The following ACACA variants were observed in gnomAD, a reference collection of about 807,000 sequenced individuals.
ACACA encodes the protein acetyl-CoA carboxylase alpha, also known as acetyl-CoA carboxylase 1.
Under a neutral mutation model 296.1 loss-of-function variants are expected in ACACA, and 103 were observed. The observed-to-expected ratio is 0.35, with a 90% CI of 0.30 to 0.41. The LOEUF is 0.41. Ranked by LOEUF, ACACA falls within the 10% of genes least tolerant of loss-of-function variation. The pLI is 1.00. For synonymous variants in ACACA, 953 were observed against 1,038.6 expected (o/e 0.92, Z 1.58); for missense variants, 1,554 against 2,989.7 (o/e 0.52, Z 11.20).
chr17:37,175,896 C>T (rs931602970), intron 41 of ACACA, among the ~76,000 whole-genome samples: 1 of 152,126 alleles, frequency 6.6e-6, no homozygotes, highest in African/African-American at 2.4e-5. Context: ...AGAAAGGAGA[C>T]AGTAGCTAAT....
chr17:37,371,204 C>T (rs551804398), intron 1 of ACACA, among the ~76,000 whole-genome samples: 3 of 151,864 alleles, frequency 2.0e-5, no homozygotes, highest in South Asian at 2.1e-4. Flanking sequence ...CTCAGCCCCC[C>T]GAGTAGCTGG....
At chr17:37,144,065 A>C (rs1036015486) in intron 45 of ACACA, 2 of 765,476 alleles carry the variant, frequency 2.6e-6, no homozygotes, top group African/African-American at 1.7e-5. Context: ...GGAGGGACGT[A>C]GGTTTTCATT....
chr17:37,114,845 T>C (rs1377631039), intron 50 of ACACA, among the ~76,000 whole-genome samples: 1 of 152,188 alleles, frequency 6.6e-6, no homozygotes, highest in East Asian at 1.9e-4. Flanking sequence ...TTGGAATAAA[T>C]CAATTCTGGG....
intron 1 of ACACA, among the ~76,000 whole-genome samples, chr17:37,363,047 T>TA: frequency 6.7e-6 from 1 of 149,674 alleles, no homozygotes; most frequent in Non-Finnish European, 1.5e-5. Context: ...TTTTTTTTTT[T>TA]AATCACAACT....
intron 25 of ACACA, among the ~76,000 whole-genome samples, chr17:37,228,142 C>A (rs970350925): frequency 6.6e-6 from 1 of 150,616 alleles, no homozygotes; most frequent in Non-Finnish European, 1.5e-5. Flanking sequence ...CCCTACCTTC[C>A]ACATCACAAG....
At chr17:37,195,686 A>G (rs1413124727) in intron 35 of ACACA, among the ~76,000 whole-genome samples, 1 of 152,154 alleles carries the variant, frequency 6.6e-6, no homozygotes, top group Non-Finnish European at 1.5e-5. Context: ...TCTTACAAAA[A>G]GTAATCTCTT....
chr17:37,203,570 CCCATCTCTA>C (rs1486645750), intron 33 of ACACA, among the ~76,000 whole-genome samples: 2 of 151,618 alleles, frequency 1.3e-5, no homozygotes, highest in Non-Finnish European at 2.9e-5. Flanking sequence ...ATGCAGAAAC[CCCATCTCTA>C]CTAAAATACA....
intron 3 of ACACA, among the ~76,000 whole-genome samples, chr17:37,291,227 G>C (rs1472085544): frequency 1.3e-5 from 2 of 150,566 alleles, no homozygotes; most frequent in East Asian, 4.0e-4. Flanking sequence ...CCAGGCTGGA[G>C]TACAATGGTG....
intron 3 of ACACA, among the ~76,000 whole-genome samples, chr17:37,307,117 T>C (rs1361874192): frequency 6.6e-6 from 1 of 152,266 alleles, no homozygotes; most frequent in Non-Finnish European, 1.5e-5. Context: ...TATTCCATCA[T>C]ATGATATACC....
At position 37,320,579 on chromosome 17, in the gene ACACA, T is replaced by C. The variant is rs186772403; in HGVS notation, c.338+9594A>G. On this transcript the variant is annotated intron_variant, in intron 3 of 55. Coordinates refer to ENST00000616317, the MANE Select transcript of ACACA (RefSeq NM_198834.3). ...GTGTAGTAGTTTATAGTACGAGCTC[T>C]GACTAGATTCAATACCCAAGCTGGC... Among the ~76,000 whole-genome samples, 9 of 152,046 alleles carry C rather than the reference T, an allele frequency of 5.9e-5. No individual in the cohort carries two copies. The East Asian group carries it at 9.7e-4, about 16-fold the overall frequency.
intron 42 of ACACA, among the ~76,000 whole-genome samples, chr17:37,157,026 A>G (rs1474066142): frequency 2.0e-5 from 3 of 152,242 alleles, no homozygotes; most frequent in Non-Finnish European, 4.4e-5. Flanking sequence ...AAGAATTCCT[A>G]CCCTTATGAA....
At chr17:37,305,904 G>GTTTTTTTTTTTTTTTTT (rs200591761) in intron 3 of ACACA, among the ~76,000 whole-genome samples, 1 of 95,804 alleles carries the variant, frequency 1.0e-5, no homozygotes, top group Non-Finnish European at 2.2e-5. Flanking sequence ...TTTTTTTTTT[G>GTTTTTTTTTTTTTTTTT]TTTTTTTTTT....
chr17:37,195,536 CT>C (rs1212242191), intron 35 of ACACA, among the ~76,000 whole-genome samples: 2 of 151,382 alleles, frequency 1.3e-5, no homozygotes, highest in Non-Finnish European at 3.0e-5. Flanking sequence ...TTTTTTTAAA[CT>C]TCTGAGTAAA....
At chr17:37,196,424 C>T (rs937884808) in intron 35 of ACACA, among the ~76,000 whole-genome samples, 6 of 151,890 alleles carry the variant, frequency 4.0e-5, no homozygotes, top group Admixed American at 2.6e-4. Context: ...AACTCTCTCT[C>T]GGGAGATATG....
chr17:37,162,331 T>A (rs536811411), intron 41 of ACACA, among the ~76,000 whole-genome samples: 1 of 152,350 alleles, frequency 6.6e-6, no homozygotes, highest in African/African-American at 2.4e-5. Context: ...GCACTCAGGA[T>A]ACATGTGGAA....
chr17:37,182,697 A>G (rs2077372078), intron 39 of ACACA, among the ~76,000 whole-genome samples: 1 of 152,232 alleles, frequency 6.6e-6, no homozygotes, highest in African/African-American at 2.4e-5. Flanking sequence ...GTATGTGTAT[A>G]CCTACATATC....
Position 37,155,794 on chromosome 17 carries a change from A to T in ACACA, c.5350-14T>A. 6.5e-7 allele frequency: 1 copy of T among 1,527,552 alleles called. No individual in the cohort carries two copies. The highest frequency in any genetic ancestry group is 9.1e-7 in the Non-Finnish European group (1 of 1,104,764). The allele number at this position is 1,527,552 out of a possible 1,614,324, so 94.6% of individuals were successfully genotyped here. A position where few individuals can be genotyped will look rare whatever the true frequency, so the allele number is the denominator to read the frequency against. On this transcript the variant is annotated splice_polypyrimidine_tract_variant and intron_variant, in intron 42 of 55. Coordinates refer to ENST00000616317, the MANE Select transcript of ACACA (RefSeq NM_198834.3). ...ATACCTGTATCCCTGTGAAGCACAA[A>T]TAGTTTTTAACTCATTATTTGCCAT... is the stretch of plus-strand genomic sequence containing the variant.
At chr17:37,170,814 A>T (rs1390097470) in intron 41 of ACACA, among the ~76,000 whole-genome samples, 6 of 152,262 alleles carry the variant, frequency 3.9e-5, no homozygotes, top group African/African-American at 1.2e-4. Flanking sequence ...ATCAATGTGA[A>T]TAGAATGTGC....
intron 1 of ACACA, among the ~76,000 whole-genome samples, chr17:37,367,361 GAGA>G (rs1460082000): frequency 1.3e-5 from 2 of 152,110 alleles, no homozygotes; most frequent in Non-Finnish European, 2.9e-5. Context: ...AAGCAAAACT[GAGA>G]AGAACCGATT....
Sources: gnomAD v4.1 joint callset for allele counts (sites outside exome capture counted in the v4.1 genomes callset) on GRCh38, gnomAD v4.1.1 for gene constraint, MANE v1.5 for transcripts, NCBI Gene and HGNC (gene_info 2026-07-23, HGNC 2026-07-21) for gene names.